The following DLG2 variants were observed in gnomAD, a reference collection of about 807,000 sequenced individuals.
DLG2 encodes the protein disks large homolog 2.
DLG2 carries 45 observed loss-of-function variants against 132.5 expected under a neutral mutation model. The ratio of observed to expected loss-of-function variants is 0.34; its 90% confidence interval spans 0.27 to 0.44. DLG2 has a LOEUF of 0.44. Ranked by LOEUF, DLG2 falls within the 20% of genes least tolerant of loss-of-function variation. DLG2 has a pLI of 1.00. For synonymous variants in DLG2, 424 were observed against 419.6 expected (o/e 1.01, Z -0.13); for missense variants, 1,045 against 1,196.9 (o/e 0.87, Z 1.87).
chr11:84,639,071 CT>C (rs2099647009), intron 6 of DLG2, among the ~76,000 whole-genome samples: 1 of 152,136 alleles, frequency 6.6e-6, no homozygotes, highest in Non-Finnish European at 1.5e-5. Context: ...CTCTCTTTAA[CT>C]TTTAAATTTA....
chr11:84,151,867 T>A (rs375859093), intron 9 of DLG2, among the ~76,000 whole-genome samples: 25 of 152,234 alleles, frequency 1.6e-4, no homozygotes, highest in African/African-American at 5.8e-4. Flanking sequence ...GAGATCTTCT[T>A]GGTTTTGATT....
At chr11:85,058,725 T>C (rs1030418594) in intron 6 of DLG2, among the ~76,000 whole-genome samples, 10 of 151,480 alleles carry the variant, frequency 6.6e-5, no homozygotes, top group African/African-American at 2.4e-4. Context: ...GGCCCACTGA[T>C]ATAAGGTTAC....
chr11:83,976,597 A>AT (rs2092260088), intron 12 of DLG2, among the ~76,000 whole-genome samples: 1 of 151,862 alleles, frequency 6.6e-6, no homozygotes, highest in Non-Finnish European at 1.5e-5. Context: ...GGCTTCAGTG[A>AT]TTTTGTCTTT....
At chr11:85,185,440 A>G (rs2080024169) in intron 4 of DLG2, among the ~76,000 whole-genome samples, 1 of 151,980 alleles carries the variant, frequency 6.6e-6, no homozygotes, top group Admixed American at 6.6e-5. Flanking sequence ...CTTTTCTTTT[A>G]GTAGCATAAC....
At chr11:85,610,696 T>C (rs988277836) in intron 2 of DLG2, among the ~76,000 whole-genome samples, 2 of 152,012 alleles carry the variant, frequency 1.3e-5, no homozygotes, top group African/African-American at 4.8e-5. Context: ...TTGAACTTTC[T>C]AGCTAATCAA....
intron 6 of DLG2, among the ~76,000 whole-genome samples, chr11:84,561,277 G>A (rs1421225513): frequency 6.6e-6 from 1 of 152,002 alleles, no homozygotes; most frequent in East Asian, 1.9e-4. Flanking sequence ...TGTCACAGAT[G>A]AGAACTCCTG....
chr11:84,365,147 T>C (rs1018797693), intron 7 of DLG2, among the ~76,000 whole-genome samples: 1 of 152,184 alleles, frequency 6.6e-6, no homozygotes, highest in African/African-American at 2.4e-5. Context: ...GGTCCTGGAC[T>C]CTTTTTGGTT....
intron 3 of DLG2, among the ~76,000 whole-genome samples, chr11:85,550,053 C>T (rs2076574247): frequency 6.6e-6 from 1 of 152,164 alleles, no homozygotes; most frequent in South Asian, 2.1e-4. Flanking sequence ...TCTTTTATTC[C>T]CTTACTTTCT....
intron 6 of DLG2, among the ~76,000 whole-genome samples, chr11:84,696,143 A>G (rs1276512962): frequency 2.6e-5 from 4 of 151,558 alleles, no homozygotes; most frequent in African/African-American, 9.7e-5. Flanking sequence ...ATGGTCTGGT[A>G]GGTAAAAAGT....
chr11:84,151,060 T>C (rs1043749768), intron 9 of DLG2, among the ~76,000 whole-genome samples: 3 of 152,114 alleles, frequency 2.0e-5, no homozygotes, highest in Non-Finnish European at 4.4e-5. Context: ...GGATATTGGC[T>C]TGAAGTTGTC....
chr11:85,361,641 G>C (rs988842780), intron 3 of DLG2, among the ~76,000 whole-genome samples: 2 of 152,150 alleles, frequency 1.3e-5, no homozygotes, highest in African/African-American at 4.8e-5. Flanking sequence ...ATGATTTCAG[G>C]ACTTTTTATA....
At chr11:84,542,115 G>A (rs1157318049) in intron 6 of DLG2, among the ~76,000 whole-genome samples, 2 of 149,432 alleles carry the variant, frequency 1.3e-5, no homozygotes, top group Non-Finnish European at 3.0e-5. Context: ...AGCAGGAGTT[G>A]GCACAGTACT....
At chr11:83,941,398 A>T (rs2082631918) in intron 14 of DLG2, among the ~76,000 whole-genome samples, 2 of 147,394 alleles carry the variant, frequency 1.4e-5, no homozygotes, top group South Asian at 2.2e-4. Flanking sequence ...TATTTAATTA[A>T]TTTTTTTTTT....
intron 7 of DLG2, among the ~76,000 whole-genome samples, chr11:84,524,517 T>C (rs2099314216): frequency 6.6e-6 from 1 of 152,234 alleles, no homozygotes; most frequent in Admixed American, 6.5e-5. Flanking sequence ...GAACACAATG[T>C]GCTGTGCACA....
At chr11:84,147,589 T>A (rs973781985) in intron 9 of DLG2, among the ~76,000 whole-genome samples, 7 of 152,184 alleles carry the variant, frequency 4.6e-5, no homozygotes, top group Admixed American at 2.6e-4. Flanking sequence ...AGAAAAGAGT[T>A]GCAGAGTGCT....
chr11:84,452,807 T>A (rs778110326), intron 7 of DLG2, among the ~76,000 whole-genome samples: 1 of 151,628 alleles, frequency 6.6e-6, no homozygotes, highest in Non-Finnish European at 1.5e-5. Flanking sequence ...GCACCTGTAA[T>A]TCCAGCTACT....
chr11:84,481,441 C>G (rs2099137423), intron 7 of DLG2, among the ~76,000 whole-genome samples: 2 of 152,082 alleles, frequency 1.3e-5, no homozygotes, highest in Admixed American at 6.6e-5. Context: ...TCTTGCTTGG[C>G]CTTATCACCT....
chr11:84,854,283 G>A (rs544632462), intron 6 of DLG2, among the ~76,000 whole-genome samples: 1 of 150,852 alleles, frequency 6.6e-6, no homozygotes, highest in East Asian at 1.9e-4. Context: ...TAGAACAAAA[G>A]TGTATCTGTG....
At chr11:84,130,504 A>ATG (rs1302517155) in intron 9 of DLG2, among the ~76,000 whole-genome samples, 2 of 114,202 alleles carry the variant, frequency 1.8e-5, no homozygotes, top group African/African-American at 8.1e-5. Flanking sequence ...ATATATATAT[A>ATG]TACACACACA....
Sources: allele counts gnomAD v4.1 joint callset (sites outside exome capture counted in the v4.1 genomes callset), GRCh38; gene constraint gnomAD v4.1.1; transcripts MANE v1.5; gene names NCBI Gene and HGNC (gene_info 2026-07-23, HGNC 2026-07-21).